The following RUNDC3A variants were observed in gnomAD, a reference collection of about 807,000 sequenced individuals.
RUNDC3A encodes RUN domain containing 3A.
Under a neutral mutation model 53.9 loss-of-function variants are expected in RUNDC3A, and 28 were observed. The ratio of observed to expected loss-of-function variants is 0.52; its 90% confidence interval spans 0.38 to 0.71. The LOEUF is 0.71. Ranked by LOEUF, RUNDC3A falls within the 30% of genes least tolerant of loss-of-function variation. The probability of loss-of-function intolerance (pLI) is 0.00; values close to 1 mark genes in which losing one functional copy is unlikely to be tolerated. For synonymous variants in RUNDC3A, 232 were observed against 249.4 expected (o/e 0.93, Z 0.66); for missense variants, 491 against 597.3 (o/e 0.82, Z 1.85).
chr17:44,315,341 CG>C lies in RUNDC3A; in HGVS notation c.795+27del. On this transcript the variant is annotated intron_variant, in intron 7 of 10. Transcript: ENST00000426726. The surrounding 1 kb of genome is among the most constrained non-coding windows in gnomAD (Gnocchi z 6.1). ...AGAAGGTGCGCGACGCCGGCGGGCCCGGGGGGCGGGCGGGCCGGGCGGGGGA... is the reference window on the plus strand; with the variant it reads ...AGAAGGTGCGCGACGCCGGCGGGCCCGGGGGCGGGCGGGCCGGGCGGGGGA... 3.9e-6 allele frequency: 4 copies of C among 1,019,326 alleles called. No homozygotes were observed. Among genetic ancestry groups the C allele is most frequent in the South Asian group, 2.8e-5 (1 of 35,732 alleles). The allele number at this position is 1,019,326 out of a possible 1,614,324, so 63.1% of individuals were successfully genotyped here. A position where few individuals can be genotyped will look rare whatever the true frequency, so the allele number is the denominator to read the frequency against.
Position 44,315,749 on chromosome 17 carries a change from C to T in RUNDC3A, c.953+140C>T. 1 of 729,664 alleles carries T rather than the reference C, an allele frequency of 1.4e-6. No individual in the cohort carries two copies. The highest frequency in any genetic ancestry group is 2.0e-6 in the Non-Finnish European group (1 of 509,982). The allele number at this position is 729,664 out of a possible 1,614,324, so 45.2% of individuals were successfully genotyped here. A position where few individuals can be genotyped will look rare whatever the true frequency, so the allele number is the denominator to read the frequency against. On this transcript the variant is annotated intron_variant, in intron 8 of 10. Transcript: ENST00000426726. This position sits in a 1 kb window ranked among gnomAD's most constrained non-coding sequence, Gnocchi z 6.1. ...TCCAGCATCAACCCTCTGATCCAGC[C>T]AGCCCCACCCCGAGATGCCCACAAT...
chr17:44,313,539 A>G, intron 4 of RUNDC3A, 36 bp downstream of exon 4: 1 of 1,594,808 alleles, frequency 6.3e-7, no homozygotes, highest in Non-Finnish European at 8.6e-7. Flanking sequence ...CACAGGTCTC[A>G]GAGTGCACCT....
intron 8 of RUNDC3A, 93 bp from the exon 9 acceptor site, chr17:44,316,292 T>G: frequency 7.7e-7 from 1 of 1,293,236 alleles, no homozygotes; most frequent in Non-Finnish European, 1.1e-6. Context: ...CCGCTCAGAT[T>G]TCATTCCTGA....
At chr17:44,317,318 A>G (rs562866807) in intron 10 of RUNDC3A, among the ~76,000 whole-genome samples, 5 of 152,260 alleles carry the variant, frequency 3.3e-5, no homozygotes, top group African/African-American at 7.2e-5. Flanking sequence ...GGATGTTGAT[A>G]ATCACCAATG....
chr17:44,316,689 G>C lies in RUNDC3A; in HGVS notation c.1162G>C (p.Glu388Gln). ...SLSSDSQRLG[E>Q]GTRDEEPWGP... ...GAGCTCGGACTCCCAGCGCCTGGGAGAGGGCACGCGGGACGAGGAGCCCTG... is the reference window on the plus strand; with the variant it reads ...GAGCTCGGACTCCCAGCGCCTGGGACAGGGCACGCGGGACGAGGAGCCCTG... The change falls in exon 10 of 11, where the codon GAG becomes CAG. Residue 388 changes from glutamate to glutamine, a missense_variant. Around this residue, in one of 2 missense-constraint regions of RUNDC3A, gnomAD observed 218 missense variants for 208.2 expected, o/e 1.05. Transcript: ENST00000426726. The C allele has an allele frequency of 1.3e-6, 2 of 1,550,138 alleles. No individual in the cohort carries two copies. Among genetic ancestry groups the C allele is most frequent in the Non-Finnish European group, 8.7e-7 (1 of 1,146,942 alleles).
Position 44,314,788 on chromosome 17 carries a change from C to T in RUNDC3A, c.512C>T (p.Thr171Ile). ...CTGCGGGATGAAGCCACCATCCTCA[C>T]CGGAATGCTGATCGGACTGAGCGCC... ...IMLRDEATILTGMLIGLSAID... is the reference protein window; with the variant it reads ...IMLRDEATILIGMLIGLSAID... Residue 171 changes from threonine to isoleucine, a missense_variant, in exon 5 of 11, where the codon ACC becomes ATC. Thr to Ile is a moderately conservative substitution (Grantham distance 89, BLOSUM62 -1). Coordinates refer to ENST00000426726, the MANE Select transcript of RUNDC3A (RefSeq NM_001144825.2). 1 of 1,613,722 alleles carries T rather than the reference C, an allele frequency of 6.2e-7. No homozygotes were observed. Among genetic ancestry groups the T allele is most frequent in the Non-Finnish European group, 8.5e-7 (1 of 1,179,852 alleles).
Position 44,315,748 on chromosome 17 carries a change from C to A in RUNDC3A, c.953+139C>A. 1.4e-6 allele frequency: 1 copy of A among 726,590 alleles called. No individual in the cohort carries two copies. Among genetic ancestry groups the A allele is most frequent in the Non-Finnish European group, 2.0e-6 (1 of 507,422 alleles). 45.0% of individuals were successfully genotyped at this position (726,590 alleles called of 1,614,324 possible). A position where few individuals can be genotyped will look rare whatever the true frequency, so the allele number is the denominator to read the frequency against. ...CTCCAGCATCAACCCTCTGATCCAG[C>A]CAGCCCCACCCCGAGATGCCCACAA... On this transcript the variant is annotated intron_variant, in intron 8 of 10. Coordinates refer to ENST00000426726, the MANE Select transcript of RUNDC3A (RefSeq NM_001144825.2). This position sits in a 1 kb window ranked among gnomAD's most constrained non-coding sequence, Gnocchi z 6.1.
At chr17:44,317,705 TCA>T (rs925221465) in intron 10 of RUNDC3A, 133 of 631,254 alleles carry the variant, frequency 2.1e-4, no homozygotes, top group Non-Finnish European at 1.5e-4. Flanking sequence ...TGTAGCCCCA[TCA>T]CACTGTGTTT....
chr17:44,309,585 G>A (rs2047710549), intron 1 of RUNDC3A, among the ~76,000 whole-genome samples: 3 of 152,038 alleles, frequency 2.0e-5, no homozygotes, highest in Admixed American at 2.0e-4. Context: ...GTGATTGCGG[G>A]GCCCAGGAAG....
chr17:44,313,578 G>A (rs2047792855), intron 4 of RUNDC3A, 75 bp downstream of exon 4: 4 of 1,525,574 alleles, frequency 2.6e-6, no homozygotes, highest in Non-Finnish European at 3.5e-6. Context: ...TGATCCTTAA[G>A]TTCCTGCAGC....
Position 44,315,609 on chromosome 17 carries a change from T to C in RUNDC3A, c.953T>C (p.Leu318Pro). 1 of 1,478,748 alleles carries C rather than the reference T, an allele frequency of 6.8e-7. No homozygotes were observed. Among genetic ancestry groups the C allele is most frequent in the African/African-American group, 1.5e-5 (1 of 68,780 alleles). The allele number at this position is 1,478,748 out of a possible 1,614,324, so 91.6% of individuals were successfully genotyped here. A position where few individuals can be genotyped will look rare whatever the true frequency, so the allele number is the denominator to read the frequency against. ...GTGATCCTGGAGCTGCAGGAGCAGC[T>C]GTGAGCGCACGGCCTGCCCTAACCC... The part of the protein sequence containing the change: ...EGVILELQEQ[L>P]TGLIPSDHAP... The change falls in exon 8 of 11, where the codon CTG becomes CCG. Residue 318 changes from leucine to proline, a missense_variant and splice_region_variant. Leu to Pro is a moderately conservative substitution (Grantham distance 98, BLOSUM62 -3). Coordinates refer to ENST00000426726, the MANE Select transcript of RUNDC3A (RefSeq NM_001144825.2). The surrounding 1 kb of genome is among the most constrained non-coding windows in gnomAD (Gnocchi z 6.1).
chr17:44,318,259 A>G lies in RUNDC3A; in HGVS notation c.*21A>G. ...GCTGAGGAACAGCATGGGCAGTGCCAGCCCCACCTGCCAGGGGCCATGGAC... is the reference window on the plus strand; with the variant it reads ...GCTGAGGAACAGCATGGGCAGTGCCGGCCCCACCTGCCAGGGGCCATGGAC... On this transcript the variant is annotated 3_prime_UTR_variant, in exon 11 of 11. Transcript: ENST00000426726. 1 of 1,539,782 alleles carries G rather than the reference A, an allele frequency of 6.5e-7. No individual in the cohort carries two copies. Among genetic ancestry groups the G allele is most frequent in the South Asian group, 1.2e-5 (1 of 83,858 alleles).
rs1335973565 is a variant in RUNDC3A, at chr17:44,315,021, C to T, written c.629+12C>T. On this transcript the variant is annotated intron_variant, in intron 6 of 10. Coordinates refer to ENST00000426726, the MANE Select transcript of RUNDC3A (RefSeq NM_001144825.2). This position sits in a 1 kb window ranked among gnomAD's most constrained non-coding sequence, Gnocchi z 6.1. ...AAGTTCACGCAGAGGTGAGCGGCTC[C>T]ATGACTGCGGCGGGGCGGGGGACGG... 8 of 1,613,682 alleles carry T rather than the reference C, an allele frequency of 5.0e-6. No homozygotes were observed. The highest frequency in any genetic ancestry group is 6.8e-6 in the Non-Finnish European group (8 of 1,179,860).
chr17:44,312,374 C>T (rs184908248), intron 1 of RUNDC3A, among the ~76,000 whole-genome samples: 7 of 152,264 alleles, frequency 4.6e-5, no homozygotes, highest in Admixed American at 2.0e-4. Context: ...GTCACCCTTC[C>T]TCCCCATCTG....
At position 44,316,572 on chromosome 17, in the gene RUNDC3A, G is replaced by A. The variant is rs367613256; in HGVS notation, c.1092-47G>A. 267 of 1,581,530 alleles carry A rather than the reference G, an allele frequency of 1.7e-4. 2 individuals carry two copies. Among genetic ancestry groups the A allele is most frequent in the Admixed American group, 9.3e-4 (51 of 55,018 alleles). ...GGGCCTGAGAGCGGGTCGTCCTGGG[G>A]AAGAAGGGCTTCCTCTACCGGCGCA... On this transcript the variant is annotated intron_variant, in intron 9 of 10. Coordinates refer to ENST00000426726, the MANE Select transcript of RUNDC3A (RefSeq NM_001144825.2).
intron 1 of RUNDC3A, among the ~76,000 whole-genome samples, chr17:44,310,213 C>A (rs1417221835): frequency 6.6e-6 from 1 of 152,230 alleles, no homozygotes; most frequent in Non-Finnish European, 1.5e-5. Context: ...TTGGGGAGGT[C>A]TCTTAACCAC....
At chr17:44,314,674 TGGGGGG>T in intron 4 of RUNDC3A, 55 bp from the exon 5 acceptor site, 8 of 839,722 alleles carry the variant, frequency 9.5e-6, no homozygotes, top group Non-Finnish European at 1.3e-5. Flanking sequence ...ATAGCAGCTC[TGGGGGG>T]GGGGGGGGCG....
chr17:44,312,769 CT>C, intron 2 of RUNDC3A, 74 bp downstream of exon 2: 1 of 667,676 alleles, frequency 1.5e-6, no homozygotes, highest in South Asian at 1.9e-5. Context: ...CCCAGCGCCC[CT>C]CCCCCAGCGG....
rs1338536292 is a variant in RUNDC3A at position 44,316,724 on chromosome 17, C to T, written c.1197C>T (p.Ile399=). The T allele has an allele frequency of 1.3e-6, 2 of 1,546,626 alleles. No homozygotes were observed. The highest frequency in any genetic ancestry group is 1.4e-5 in the African/African-American group (1 of 72,988). ...GGGACGAGGAGCCCTGGGGTCCCAT[C>T]GGTGAGCTCCCCCAACCCAACACCC... ...GTRDEEPWGP[I]GKDPTPSMLG... Residue 399 remains isoleucine (I), a splice_region_variant and synonymous_variant, in exon 10 of 11, where the codon ATC becomes ATT. Transcript: ENST00000426726.
Sources: allele counts gnomAD v4.1 joint callset (sites outside exome capture counted in the v4.1 genomes callset), GRCh38; gene constraint gnomAD v4.1.1; regional missense constraint gnomAD v4.1.1; non-coding constraint Gnocchi (gnomAD v3.1); transcripts MANE v1.5; gene names NCBI Gene and HGNC (gene_info 2026-07-23, HGNC 2026-07-21).